The following PAPPA2 variants were observed in gnomAD, a reference collection of about 807,000 sequenced individuals.
PAPPA2 encodes the protein pappalysin-2.
Under a neutral mutation model 176.4 loss-of-function variants are expected in PAPPA2, and 86 were observed. The ratio of observed to expected loss-of-function variants is 0.49; its 90% confidence interval spans 0.41 to 0.58. The LOEUF (loss-of-function observed/expected upper bound fraction) is 0.58. Among genes scored for constraint, PAPPA2 ranks in the 20% least tolerant of loss-of-function variants. The pLI is 0.00. For missense variants in PAPPA2, 2,073 were observed against 2,256.9 expected (o/e 0.92, Z 1.65); for synonymous variants, 809 against 852.2 (o/e 0.95, Z 0.88).
intron 1 of PAPPA2, among the ~76,000 whole-genome samples, chr1:176,481,277 CA>C: frequency 6.6e-6 from 1 of 150,802 alleles, no homozygotes; most frequent in Non-Finnish European, 1.5e-5. Context: ...CACACACACA[CA>C]CACACACACA....
intron 3 of PAPPA2, among the ~76,000 whole-genome samples, chr1:176,602,502 C>T (rs1654384681): frequency 6.6e-6 from 1 of 152,184 alleles, no homozygotes; most frequent in Non-Finnish European, 1.5e-5. Flanking sequence ...CTCACCCACA[C>T]TCGGAGGCTG....
intron 2 of PAPPA2, among the ~76,000 whole-genome samples, chr1:176,584,733 T>C (rs1653201628): frequency 6.7e-6 from 1 of 149,444 alleles, no homozygotes; most frequent in Non-Finnish European, 1.5e-5. Context: ...TGTTTCTTTT[T>C]CTTTCTTTTT....
chr1:176,502,903 G>A (rs1648047494), intron 1 of PAPPA2, among the ~76,000 whole-genome samples: 1 of 152,136 alleles, frequency 6.6e-6, no homozygotes. Context: ...ACCGGTTCAT[G>A]TCCTGAGTAT....
intron 21 of PAPPA2, among the ~76,000 whole-genome samples, chr1:176,802,601 AT>A (rs1665729253): frequency 6.6e-6 from 1 of 152,128 alleles, no homozygotes; most frequent in Non-Finnish European, 1.5e-5. Flanking sequence ...CAAATAAGGT[AT>A]TTTGTTACCC....
Position 176,739,986 on chromosome 1 carries a change from A to G in PAPPA2, c.3941A>G (p.Tyr1314Cys). The part of the protein sequence containing the change: ...VRGSNHSLGT[Y>C]GLSCQHNPLI... ...CATCTCCGTTTATCTTCAGGAACCT[A>G]TGGACTGTCATGCCAGCATAATCCA... The change falls in exon 14 of 23, where the codon TAT becomes TGT. Residue 1314 changes from tyrosine (Y) to cysteine (C), a missense_variant. Coordinates refer to ENST00000367662, the MANE Select transcript of PAPPA2 (RefSeq NM_020318.3). 1.9e-6 allele frequency: 3 copies of G among 1,613,872 alleles called. No homozygotes were observed. The highest frequency in any genetic ancestry group is 1.1e-5 in the South Asian group (1 of 91,082).
intron 12 of PAPPA2, among the ~76,000 whole-genome samples, chr1:176,727,454 A>G (rs1558545964): frequency 6.6e-6 from 1 of 152,150 alleles, no homozygotes; most frequent in Non-Finnish European, 1.5e-5. Flanking sequence ...GTGTGTTACC[A>G]GAGATAAAGG....
intron 14 of PAPPA2, among the ~76,000 whole-genome samples, chr1:176,752,348 A>T (rs1330382685): frequency 2.0e-5 from 3 of 147,374 alleles, no homozygotes; most frequent in African/African-American, 8.0e-5. Context: ...ATAATAAAAA[A>T]AAAAAAAAAA....
At chr1:176,490,367 A>C (rs1652838724) in intron 1 of PAPPA2, among the ~76,000 whole-genome samples, 1 of 152,204 alleles carries the variant, frequency 6.6e-6, no homozygotes, top group South Asian at 2.1e-4. Context: ...GTTTGCAGGC[A>C]GCCTGATAAT....
intron 1 of PAPPA2, among the ~76,000 whole-genome samples, chr1:176,518,075 G>T (rs1649014394): frequency 6.6e-6 from 1 of 152,078 alleles, no homozygotes; most frequent in Non-Finnish European, 1.5e-5. Context: ...AACAGGCCAA[G>T]GTGGGAGGAT....
At chr1:176,714,282 C>T (rs1234702027) in intron 12 of PAPPA2, among the ~76,000 whole-genome samples, 2 of 152,246 alleles carry the variant, frequency 1.3e-5, no homozygotes, top group Middle Eastern at 3.4e-3. Context: ...CCTCACTATG[C>T]TCCAAACCCC....
At chr1:176,609,291 A>T (rs1380653206) in intron 3 of PAPPA2, among the ~76,000 whole-genome samples, 1 of 152,226 alleles carries the variant, frequency 6.6e-6, no homozygotes, top group African/African-American at 2.4e-5. Flanking sequence ...TCTAGGCCAG[A>T]CACTGTTTTC....
chr1:176,674,317 C>A (rs1659168636), intron 4 of PAPPA2, among the ~76,000 whole-genome samples: 1 of 152,016 alleles, frequency 6.6e-6, no homozygotes. Flanking sequence ...GTTACATGGA[C>A]AAATTTTTTA....
chr1:176,842,467 G>A lies in PAPPA2; in HGVS notation c.*13G>A, dbSNP rs759113656. 4 of 1,610,578 alleles carry A rather than the reference G, an allele frequency of 2.5e-6. No individual in the cohort carries two copies. Among genetic ancestry groups the A allele is most frequent in the Non-Finnish European group, 3.4e-6 (4 of 1,177,314 alleles). ...AGAAAATCAGTAACTGTGGGAACAA[G>A]CCCCTCCCTCCACTGCCTCAGAGGC... On this transcript the variant is annotated 3_prime_UTR_variant, in exon 23 of 23. Coordinates refer to ENST00000367662, the MANE Select transcript of PAPPA2 (RefSeq NM_020318.3).
At chr1:176,727,561 G>A (rs1342537527) in intron 12 of PAPPA2, among the ~76,000 whole-genome samples, 1 of 151,882 alleles carries the variant, frequency 6.6e-6, no homozygotes, top group African/African-American at 2.4e-5. Flanking sequence ...CAAAAGAAAT[G>A]AATTATAAAT....
intron 2 of PAPPA2, among the ~76,000 whole-genome samples, chr1:176,575,686 T>C (rs1440600524): frequency 6.6e-6 from 1 of 152,258 alleles, no homozygotes; most frequent in Non-Finnish European, 1.5e-5. Context: ...GCTAACATTT[T>C]TGAGTTACTG....
intron 21 of PAPPA2, among the ~76,000 whole-genome samples, chr1:176,828,387 C>T (rs551066630): frequency 2.0e-5 from 3 of 152,052 alleles, no homozygotes; most frequent in Non-Finnish European, 2.9e-5. Flanking sequence ...AACAGTTTTA[C>T]GTTTAGGTTT....
At chr1:176,708,716 A>G (rs1026384703) in intron 10 of PAPPA2, among the ~76,000 whole-genome samples, 3 of 152,164 alleles carry the variant, frequency 2.0e-5, no homozygotes, top group Admixed American at 1.3e-4. Flanking sequence ...TAGATTTACC[A>G]CAGAAGGGTC....
Position 176,670,957 on chromosome 1 carries a change from G to A in PAPPA2, c.1992-13G>A. ...CTTTGCTGTGACATTTTTTCATCTT[G>A]CATGCTCTCTAGGGCATACATGAGT... On this transcript the variant is annotated splice_polypyrimidine_tract_variant and intron_variant, in intron 3 of 22. Transcript: ENST00000367662. The A allele has an allele frequency of 6.2e-7, 1 of 1,611,812 alleles. No homozygotes were observed. The highest frequency in any genetic ancestry group is 8.5e-7 in the Non-Finnish European group (1 of 1,179,122).
At chr1:176,643,355 G>A (rs1657206609) in intron 3 of PAPPA2, among the ~76,000 whole-genome samples, 2 of 150,998 alleles carry the variant, frequency 1.3e-5, no homozygotes, top group African/African-American at 4.9e-5. Context: ...TGGCCAAATA[G>A]TAAATACTTT....
Sources: allele counts gnomAD v4.1 joint callset (sites outside exome capture counted in the v4.1 genomes callset), GRCh38; gene constraint gnomAD v4.1.1; transcripts MANE v1.5; gene names NCBI Gene and HGNC (gene_info 2026-07-23, HGNC 2026-07-21).